Variants in CNTN4 observed in about 807,000 individuals in gnomAD.
CNTN4 encodes the protein contactin 4.
A neutral mutation model predicts 122.5 loss-of-function variants in CNTN4; 77 were observed. The observed-to-expected ratio is 0.63, with a 90% confidence interval of 0.52 to 0.76. The LOEUF is 0.76. Among genes scored for constraint, CNTN4 ranks in the 30% least tolerant of loss-of-function variants. The pLI, the probability that CNTN4 is intolerant of heterozygous loss-of-function variation, is 0.00. For missense variants in CNTN4, 1,256 were observed against 1,259.1 expected (o/e 1.00, Z 0.04); for synonymous variants, 512 against 447.0 (o/e 1.15, Z -1.83).
In CNTN4 at chr3:2,819,452, G is replaced by C. The variant is rs754602812; in HGVS notation, c.359-34G>C. ...TCCCTTGATATCTTAGGACTTTAAA[G>C]TTTAAATGCTTTTTCCCATATTTCT... is the stretch of plus-strand genomic sequence containing the variant. On this transcript the variant is annotated intron_variant, in intron 6 of 24. Transcript: ENST00000418658. 6 of 1,528,342 alleles carry C rather than the reference G, an allele frequency of 3.9e-6. No individual in the cohort carries two copies. The Admixed American group carries it at 6.7e-5, about 17-fold the overall frequency. The allele number at this position is 1,528,342 out of a possible 1,614,324, so 94.7% of individuals were successfully genotyped here.
intron 23 of CNTN4, among the ~76,000 whole-genome samples, chr3:3,045,400 T>C (rs898087815): frequency 6.6e-6 from 1 of 152,098 alleles, no homozygotes; most frequent in African/African-American, 2.4e-5. Flanking sequence ...GACTGACACC[T>C]CACACAGCCA....
intron 3 of CNTN4, among the ~76,000 whole-genome samples, chr3:2,542,750 T>G (rs2078084135): frequency 6.6e-6 from 1 of 152,080 alleles, no homozygotes; most frequent in Non-Finnish European, 1.5e-5. Flanking sequence ...GCCACTTGAG[T>G]CAAATGGAAG....
intron 3 of CNTN4, among the ~76,000 whole-genome samples, chr3:2,513,271 G>A (rs1407824569): frequency 1.2e-4 from 18 of 152,168 alleles, no homozygotes; most frequent in Admixed American, 1.2e-3. Context: ...ACCTTTGTGA[G>A]TGATGATTCC....
intron 3 of CNTN4, among the ~76,000 whole-genome samples, chr3:2,357,793 A>G (rs1036487098): frequency 2.0e-5 from 3 of 152,202 alleles, no homozygotes; most frequent in Admixed American, 2.0e-4. Context: ...TTTAGCTTTG[A>G]TTAATTGCTA....
intron 2 of CNTN4, among the ~76,000 whole-genome samples, chr3:2,107,175 C>CT (rs1346167966): frequency 6.6e-6 from 1 of 152,198 alleles, no homozygotes; most frequent in Non-Finnish European, 1.5e-5. Flanking sequence ...TGTTCCAGCT[C>CT]TATCTGTTAC....
chr3:2,191,383 A>T (rs944315752), intron 2 of CNTN4, among the ~76,000 whole-genome samples: 1 of 152,030 alleles, frequency 6.6e-6, no homozygotes, highest in South Asian at 2.1e-4. Context: ...TAAAGGTTTT[A>T]TAAGTGATAC....
At chr3:2,547,794 T>TTAAG (rs1362771446) in intron 3 of CNTN4, among the ~76,000 whole-genome samples, 1 of 152,126 alleles carries the variant, frequency 6.6e-6, no homozygotes. Context: ...TCATTTATCT[T>TTAAG]TAAGTCCAAA....
intron 13 of CNTN4, among the ~76,000 whole-genome samples, chr3:2,974,779 A>G (rs1693262556): frequency 6.6e-6 from 1 of 152,234 alleles, no homozygotes; most frequent in Non-Finnish European, 1.5e-5. Flanking sequence ...TGAATGAGCT[A>G]GTAGATTCCA....
chr3:2,684,282 C>CTA (rs1183810559), intron 4 of CNTN4, among the ~76,000 whole-genome samples: 1 of 152,048 alleles, frequency 6.6e-6, no homozygotes, highest in Non-Finnish European at 1.5e-5. Context: ...GAAAAAAGAG[C>CTA]TAAGAAGGCA....
intron 3 of CNTN4, among the ~76,000 whole-genome samples, chr3:2,411,623 G>A (rs1010146021): frequency 5.3e-5 from 8 of 151,996 alleles, no homozygotes; most frequent in Non-Finnish European, 1.2e-4. Flanking sequence ...TGGACTAATC[G>A]CTTCCCTGCC....
chr3:2,723,818 T>TATC (rs1168158183), intron 4 of CNTN4, among the ~76,000 whole-genome samples: 1 of 152,202 alleles, frequency 6.6e-6, no homozygotes, highest in Non-Finnish European at 1.5e-5. Flanking sequence ...TGCCGTAGTG[T>TATC]ATCATAATGC....
At chr3:2,545,545 G>T (rs1443955061) in intron 3 of CNTN4, among the ~76,000 whole-genome samples, 1 of 150,936 alleles carries the variant, frequency 6.6e-6, no homozygotes, top group Non-Finnish European at 1.5e-5. Context: ...AGCTGCCCTT[G>T]TCTTGGTTGC....
intron 7 of CNTN4, among the ~76,000 whole-genome samples, chr3:2,829,025 C>T (rs1467837558): frequency 1.3e-5 from 2 of 152,156 alleles, no homozygotes; most frequent in East Asian, 3.8e-4. Context: ...AGGCATGAGC[C>T]ACCGTGCCCA....
intron 3 of CNTN4, among the ~76,000 whole-genome samples, chr3:2,420,712 G>A (rs551403297): frequency 2.8e-4 from 42 of 152,094 alleles, no homozygotes; most frequent in Non-Finnish European, 4.7e-4. Context: ...CATTGCAGCT[G>A]TGGGCCACCG....
intron 4 of CNTN4, among the ~76,000 whole-genome samples, chr3:2,725,193 C>T (rs1226203490): frequency 6.6e-6 from 1 of 152,164 alleles, no homozygotes; most frequent in African/African-American, 2.4e-5. Context: ...GCTCTGGCAG[C>T]CACCTGGTGC....
intron 3 of CNTN4, among the ~76,000 whole-genome samples, chr3:2,488,872 T>G (rs572187972): frequency 2.6e-5 from 4 of 152,292 alleles, no homozygotes; most frequent in Non-Finnish European, 4.4e-5. Flanking sequence ...GAAAAGCAAC[T>G]AATGTAGTGT....
intron 12 of CNTN4, among the ~76,000 whole-genome samples, chr3:2,912,737 A>G (rs904818574): frequency 6.6e-6 from 1 of 152,258 alleles, no homozygotes; most frequent in African/African-American, 2.4e-5. Context: ...GCCAGCTTGA[A>G]TAGATTATTA....
intron 4 of CNTN4, among the ~76,000 whole-genome samples, chr3:2,577,934 G>A (rs1484333714): frequency 6.6e-6 from 1 of 152,238 alleles, no homozygotes; most frequent in East Asian, 1.9e-4. Flanking sequence ...CTGAGAAAGT[G>A]CATCCTCTCC....
In CNTN4 at chr3:2,736,276, G is replaced by A. The variant is rs2089081559; in HGVS notation, c.117G>A (p.Leu39=). 6.2e-7 allele frequency: 1 copy of A among 1,613,402 alleles called. No homozygotes were observed. The highest frequency in any genetic ancestry group is 2.2e-5 in the East Asian group (1 of 44,810). ...IQEPSPVMFP[L]DSEEKKVKLN... ...AACCAAGTCCTGTAATGTTCCCTTT[G>A]GATTCTGAGGAGAAAAAAGTGAAGC... The change falls in exon 5 of 25, where the codon TTG becomes TTA. Residue 39 remains leucine (L), a synonymous_variant. Coordinates refer to ENST00000418658, the MANE Select transcript of CNTN4 (RefSeq NM_175607.3).
Sources: allele counts gnomAD v4.1 joint callset (sites outside exome capture counted in the v4.1 genomes callset), GRCh38; gene constraint gnomAD v4.1.1; transcripts MANE v1.5; gene names NCBI Gene and HGNC (gene_info 2026-07-23, HGNC 2026-07-21).